PRAG1: variants seen among roughly 807,000 people sequenced by gnomAD.
PRAG1 encodes the protein inactive tyrosine-protein kinase PRAG1.
A neutral mutation model predicts 95.6 loss-of-function variants in PRAG1; 110 were observed. That is an observed-to-expected ratio of 1.15 (90% CI 0.99 to 1.35). The LOEUF is 1.35. PRAG1 is among the 40% of genes most tolerant of loss of function. The pLI, the probability that PRAG1 is intolerant of heterozygous loss-of-function variation, is 0.00. For synonymous variants in PRAG1, 1,052 were observed against 819.4 expected (o/e 1.28, Z -4.85); for missense variants, 2,554 against 1,864.7 (o/e 1.37, Z -6.81).
intron 3 of PRAG1, among the ~76,000 whole-genome samples, chr8:8,364,158 C>A (rs1799934145): frequency 6.6e-6 from 1 of 152,084 alleles, no homozygotes; most frequent in Admixed American, 6.6e-5. Flanking sequence ...TGTTTAATAG[C>A]CATTTTCCTG....
At position 8,327,305 on chromosome 8, in the gene PRAG1, C is replaced by G. The variant is rs564488219; in HGVS notation, c.3072+405G>C. ...TGCTTAGGGGTCAGGGGTGGTGGCT[C>G]ACACCTGTAATCCCAGCATTTTGGG... On this transcript the variant is annotated intron_variant, in intron 5 of 5. Transcript: ENST00000615670. 2.7e-4 allele frequency among the ~76,000 whole-genome samples: 41 copies of G among 152,264 alleles called. 1 individual carries two copies. The South Asian group carries it at 8.5e-3, about 32-fold the overall frequency.
intron 3 of PRAG1, among the ~76,000 whole-genome samples, chr8:8,343,357 C>T (rs1488926320): frequency 6.6e-6 from 1 of 152,118 alleles, no homozygotes; most frequent in Non-Finnish European, 1.5e-5. Context: ...TCCTATAATC[C>T]AGTCACTCCA....
At chr8:8,347,531 C>T (rs567477662) in intron 3 of PRAG1, among the ~76,000 whole-genome samples, 4 of 152,260 alleles carry the variant, frequency 2.6e-5, no homozygotes, top group African/African-American at 4.8e-5. Flanking sequence ...TATTTAGCCA[C>T]TTACTAAAGT....
rs55993234 is a variant in PRAG1 at position 8,378,013 on chromosome 8, G to A, written c.396C>T (p.Tyr132=). Residue 132 remains tyrosine (Y), a synonymous_variant, in exon 3 of 6, where the codon TAC becomes TAT. Transcript: ENST00000615670. ...TCTGTACACCTCGGAAGCTGCCCAG[G>A]TAGACGACGGGGGCATCCTCCTGCT... is the stretch of plus-strand genomic sequence containing the variant. ...LPKQEDAPVV[Y]LGSFRGVQKP... is the part of the protein sequence containing the mutation. The A allele has an allele frequency of 0.041, 64,788 of 1,589,968 alleles. 1,504 individuals carry two copies. Among genetic ancestry groups the A allele is most frequent in the South Asian group, 0.063 (5,557 of 87,544 alleles).
chr8:8,370,312 C>A (rs1250035357), intron 3 of PRAG1, among the ~76,000 whole-genome samples: 1 of 152,188 alleles, frequency 6.6e-6, no homozygotes, highest in Non-Finnish European at 1.5e-5. Context: ...TATAAACATG[C>A]ATTGTTGGTA....
Position 8,327,889 on chromosome 8 carries a change from G to A in PRAG1, c.2893C>T (p.Arg965Cys), listed in dbSNP as rs908647555. ...LGGLYTQSLA[R>C]LVAKCEDLFM... ...AGGTCCTCACATTTGGCTACAAGGCGGGCCAGGGACTGGGTGTAGAGTCCC... is the reference window on the plus strand; with the variant it reads ...AGGTCCTCACATTTGGCTACAAGGCAGGCCAGGGACTGGGTGTAGAGTCCC... Residue 965 changes from arginine (R) to cysteine (C), a missense_variant, in exon 5 of 6, where the codon CGC becomes TGC. Arg to Cys is a radical substitution (Grantham distance 180). Transcript: ENST00000615670. The A allele has an allele frequency of 3.1e-6, 5 of 1,614,206 alleles. No homozygotes were observed. The highest frequency in any genetic ancestry group is 1.3e-5 in the African/African-American group (1 of 75,052).
intron 3 of PRAG1, among the ~76,000 whole-genome samples, chr8:8,372,173 G>C (rs1288551986): frequency 6.6e-6 from 1 of 152,158 alleles, no homozygotes; most frequent in African/African-American, 2.4e-5. Context: ...AAAGCAATTT[G>C]GTTCTTTCTC....
At chr8:8,372,611 T>A (rs1040773244) in intron 3 of PRAG1, among the ~76,000 whole-genome samples, 1 of 152,178 alleles carries the variant, frequency 6.6e-6, no homozygotes, top group Non-Finnish European at 1.5e-5. Flanking sequence ...AAAGAAGAAC[T>A]GTTCTGGGCA....
chr8:8,326,399 A>G (rs1798638948), intron 5 of PRAG1, among the ~76,000 whole-genome samples: 1 of 152,130 alleles, frequency 6.6e-6, no homozygotes. Flanking sequence ...TGGAAAAAAA[A>G]GCGATGTCTT....
Position 8,378,207 on chromosome 8 carries a change from G to T in PRAG1, c.331-129C>A, listed in dbSNP as rs552393671. 4 of 1,101,584 alleles carry T rather than the reference G, an allele frequency of 3.6e-6. No individual in the cohort carries two copies. The South Asian group carries it at 7.2e-5, about 20-fold the overall frequency. The allele number at this position is 1,101,584 out of a possible 1,614,324, so 68.2% of individuals were successfully genotyped here. ...TCTGTAGTGCAGTGCAGGGGCGCTG[G>T]GGCCGGGGACTCAGTGCACGCCCAC... On this transcript the variant is annotated intron_variant, in intron 2 of 5. Transcript: ENST00000615670.
At chr8:8,350,599 A>T (rs1041375862) in intron 3 of PRAG1, among the ~76,000 whole-genome samples, 1 of 152,206 alleles carries the variant, frequency 6.6e-6, no homozygotes, top group Non-Finnish European at 1.5e-5. Flanking sequence ...GGGAAGAACA[A>T]TGATGCTAGC....
rs369720304 is a variant in PRAG1, at chr8:8,377,485, G to A, written c.924C>T (p.Pro308=). ...TGGGGCCCTGGCTACAGCACTCCTT[G>A]GGGAAGCTCGGGCCCCGCTTCTCCT... ...AEQEKRGPSF[P]KECCSQGPTA... Residue 308 remains proline (P), a synonymous_variant, in exon 3 of 6, where the codon CCC becomes CCT. Coordinates refer to ENST00000615670, the MANE Select transcript of PRAG1 (RefSeq NM_001080826.3). 3 of 1,551,184 alleles carry A rather than the reference G, an allele frequency of 1.9e-6. No homozygotes were observed. The African/African-American group carries it at 4.1e-5, about 21-fold the overall frequency.
At chr8:8,364,157 G>C (rs976877644) in intron 3 of PRAG1, among the ~76,000 whole-genome samples, 2 of 152,142 alleles carry the variant, frequency 1.3e-5, no homozygotes, top group Admixed American at 6.6e-5. Context: ...CTGTTTAATA[G>C]CCATTTTCCT....
chr8:8,321,439 T>G (rs1473245404), intron 5 of PRAG1, among the ~76,000 whole-genome samples: 7 of 152,258 alleles, frequency 4.6e-5, no homozygotes, highest in African/African-American at 1.7e-4. Flanking sequence ...TAAAGGAAAT[T>G]TGCAGCAATG....
intron 2 of PRAG1, among the ~76,000 whole-genome samples, chr8:8,378,716 G>A (rs946409946): frequency 6.6e-6 from 1 of 151,906 alleles, no homozygotes; most frequent in Non-Finnish European, 1.5e-5. Flanking sequence ...CAAAAACTTG[G>A]TGGGCGTGGT....
chr8:8,327,896 G>A lies in PRAG1; in HGVS notation c.2886C>T (p.Ser962=), dbSNP rs763137265. 3.7e-6 allele frequency: 6 copies of A among 1,614,218 alleles called. No homozygotes were observed. Among genetic ancestry groups the A allele is most frequent in the Non-Finnish European group, 5.1e-6 (6 of 1,180,040 alleles). ...CACATTTGGCTACAAGGCGGGCCAG[G>A]GACTGGGTGTAGAGTCCCCCCAGCT... ...YAKLGGLYTQ[S]LARLVAKCED... The change falls in exon 5 of 6, where the codon TCC becomes TCT. Residue 962 remains serine (S), a synonymous_variant. Coordinates refer to ENST00000615670, the MANE Select transcript of PRAG1 (RefSeq NM_001080826.3).
At position 8,381,580 on chromosome 8, in the gene PRAG1, A is replaced by G. The variant is rs1250279568; in HGVS notation, c.168T>C (p.Pro56=). The G allele has an allele frequency of 1.2e-6, 2 of 1,613,990 alleles. No homozygotes were observed. Among genetic ancestry groups the G allele is most frequent in the East Asian group, 4.5e-5 (2 of 44,894 alleles). Residue 56 remains proline, a synonymous_variant, in exon 2 of 6, where the codon CCT becomes CCC. Transcript: ENST00000615670. ...CAGGCCTGGGAGGCAGGCGCGGTGG[A>G]GGGGGCAGGCTGCCCGCTCTGGGCT... The part of the protein sequence containing the change: ...PPQPRAGSLP[P]PPRLPPRPEN...
chr8:8,375,185 A>T (rs535668909), intron 3 of PRAG1, among the ~76,000 whole-genome samples: 2 of 150,302 alleles, frequency 1.3e-5, no homozygotes, highest in East Asian at 4.0e-4. Context: ...TGCTAACACA[A>T]AACTACATTT....
chr8:8,379,456 G>A (rs1800560605), intron 2 of PRAG1, among the ~76,000 whole-genome samples: 1 of 152,170 alleles, frequency 6.6e-6, no homozygotes, highest in African/African-American at 2.4e-5. Flanking sequence ...GCTCAGGTTG[G>A]TGAAGGTTGA....
Sources: gnomAD v4.1 joint callset for allele counts (sites outside exome capture counted in the v4.1 genomes callset) on GRCh38, gnomAD v4.1.1 for gene constraint, MANE v1.5 for transcripts, NCBI Gene and HGNC (gene_info 2026-07-23, HGNC 2026-07-21) for gene names.